Variants in FLG2 observed in about 807,000 individuals in gnomAD.
The protein encoded by FLG2 is filaggrin 2.
In FLG2, 7 loss-of-function variants were observed where a neutral mutation model predicts 3.9. The observed-to-expected ratio is 1.79, with a 90% CI of 1.02 to 3.36. The LOEUF is 3.36. Ranked by LOEUF, FLG2 falls within the 30% of genes most tolerant of loss-of-function variation. FLG2 has a pLI of 0.00. For synonymous variants in FLG2, 1,031 were observed against 1,056.1 expected (o/e 0.98, Z 0.46); for missense variants, 2,700 against 2,809.4 (o/e 0.96, Z 0.88).
Position 152,356,422 on chromosome 1 carries a change from T to A in FLG2, c.1364A>T (p.Gln455Leu). The A allele has an allele frequency of 6.2e-7, 1 of 1,614,196 alleles. No homozygotes were observed. Among genetic ancestry groups the A allele is most frequent in the East Asian group, 2.2e-5 (1 of 44,878 alleles). Residue 455 changes from glutamine (Q) to leucine (L), a missense_variant, in exon 3 of 3, where the codon CAG (glutamine) becomes CTG (leucine). Gln to Leu is a moderately radical substitution (Grantham distance 113). Transcript: ENST00000388718. ...HVCGSGQTCGQHESTSSQSLG... is the reference protein window; with the variant it reads ...HVCGSGQTCGLHESTSSQSLG... The stretch of plus-strand genomic sequence containing the variant: ...GGATTGACTTGATGTAGACTCATGC[T>A]GGCCACAAGTTTGACCTGAGCCACA...
In FLG2 at chr1:152,349,364, C is replaced by G. The variant is rs939739134; in HGVS notation, c.*1246G>C. The G allele has an allele frequency of 4.6e-5, 7 of 152,266 alleles. No individual in the cohort carries two copies. Among genetic ancestry groups the G allele is most frequent in the African/African-American group, 1.4e-4 (6 of 41,542 alleles). The allele number at this position is 152,266 out of a possible 1,614,324, so 9.4% of individuals were successfully genotyped here. A position where few individuals can be genotyped will look rare whatever the true frequency, so the allele number is the denominator to read the frequency against. On this transcript the variant is annotated 3_prime_UTR_variant, in exon 3 of 3. Transcript: ENST00000388718. ...ATTTCACTATGTTGGCCAGGCTGGT[C>G]TCGAACTCCTGACTTCGTGATCCAC...
Position 152,354,675 on chromosome 1 carries a change from G to T in FLG2, c.3111C>A (p.Gly1037=). Residue 1037 remains glycine (G), a synonymous_variant, in exon 3 of 3, where the codon GGC becomes GGA. Coordinates refer to ENST00000388718, the MANE Select transcript of FLG2 (RefSeq NM_001014342.3). ...QHRSSSGQYS[G]FGQHGSGSDQ... ...CTGAGCCTGATCCATGTTGTCCAAAGCCTGAGTATTGGCCTGAGCTTGACC... is the reference window on the plus strand; with the variant it reads ...CTGAGCCTGATCCATGTTGTCCAAATCCTGAGTATTGGCCTGAGCTTGACC... The T allele has an allele frequency of 6.2e-7, 1 of 1,613,880 alleles. No homozygotes were observed. Among genetic ancestry groups the T allele is most frequent in the Non-Finnish European group, 8.5e-7 (1 of 1,180,006 alleles).
In FLG2 at chr1:152,351,213, C is replaced by T. The variant is rs1259737942; in HGVS notation, c.6573G>A (p.Glu2191=). ...TGTGTCCTGAATGTGTGGGTGAGGC[C>T]TCTGAGTGCACTTCACTATCACTGG... ...SESSDSEVHS[E]ASPTHSGHTH... is the part of the protein sequence containing the mutation. The change falls in exon 3 of 3, where the codon GAG becomes GAA. Residue 2191 remains glutamate (E), a synonymous_variant. Coordinates refer to ENST00000388718, the MANE Select transcript of FLG2 (RefSeq NM_001014342.3). 6.2e-7 allele frequency: 1 copy of T among 1,613,486 alleles called. No homozygotes were observed. Among genetic ancestry groups the T allele is most frequent in the Non-Finnish European group, 8.5e-7 (1 of 1,179,914 alleles).
In FLG2 at chr1:152,357,270, C is replaced by T. The variant is rs1287932547; in HGVS notation, c.516G>A (p.Gly172=). 6.2e-7 allele frequency: 1 copy of T among 1,614,142 alleles called. No homozygotes were observed. Among genetic ancestry groups the T allele is most frequent in the Non-Finnish European group, 8.5e-7 (1 of 1,180,018 alleles). The change falls in exon 3 of 3, where the codon GGG becomes GGA. Residue 172 remains glycine (G), a synonymous_variant. Transcript: ENST00000388718. ...ATCTTTTCTGAGATCCCTCTTGGTT[C>T]CCAGAGCTGGATAAATTACCTTGTC... ...LGRQGNLSSS[G]NQEGSQKRYH...
At position 152,352,063 on chromosome 1, in the gene FLG2, T is replaced by G; in HGVS notation, c.5723A>C (p.His1908Pro). 6.2e-7 allele frequency: 1 copy of G among 1,613,792 alleles called. No homozygotes were observed. The highest frequency in any genetic ancestry group is 8.5e-7 in the Non-Finnish European group (1 of 1,179,924). ...GTGAACTGTGGATTCTGACTCTCCA[T>G]GTTGAGACCTGGCTTGGCTGTGTGT... ...GHTHSQARSQ[H>P]GESESTVHKR... The change falls in exon 3 of 3, where the codon CAT (histidine) becomes CCT (proline). Residue 1908 changes from histidine (H) to proline (P), a missense_variant. By Grantham distance (77) the His-to-Pro change is moderately conservative. Coordinates refer to ENST00000388718, the MANE Select transcript of FLG2 (RefSeq NM_001014342.3).
Position 152,351,593 on chromosome 1 carries a change from C to T in FLG2, c.6193G>A (p.Val2065Ile). 6.2e-7 allele frequency: 1 copy of T among 1,600,742 alleles called. No homozygotes were observed. ...GSQHGESGSS[V>I]HERHGTTHGQ... ...TGAGTAGTTCCGTGTCTCTCATGAA[C>T]TGAGGATCCTGACTCTCCATGTTGA... The change falls in exon 3 of 3, where the codon GTT becomes ATT. Residue 2065 changes from valine to isoleucine, a missense_variant. By Grantham distance (29) the Val-to-Ile change is conservative. Coordinates refer to ENST00000388718, the MANE Select transcript of FLG2 (RefSeq NM_001014342.3).
rs1654343213 is a variant in FLG2 at position 152,358,756 on chromosome 1, T to C, written c.129A>G (p.Pro43=). 1 of 1,613,332 alleles carries C rather than the reference T, an allele frequency of 6.2e-7. No individual in the cohort carries two copies. The highest frequency in any genetic ancestry group is 8.5e-7 in the Non-Finnish European group (1 of 1,179,664). ...LKELLEKELH[P]VLKNPDDPDT... ...GGCACATGGCTCTCACCTTCAGAACTGGATGAAGCTCTTTCTCCAGAAGTT... is the reference window on the plus strand; with the variant it reads ...GGCACATGGCTCTCACCTTCAGAACCGGATGAAGCTCTTTCTCCAGAAGTT... The change falls in exon 2 of 3, where the codon CCA becomes CCG. Residue 43 remains proline (P), a synonymous_variant. Transcript: ENST00000388718.
Position 152,356,032 on chromosome 1 carries a change from G to A in FLG2, c.1754C>T (p.Ser585Leu), listed in dbSNP as rs148657652. 190 of 1,613,454 alleles carry A rather than the reference G, an allele frequency of 1.2e-4. No individual in the cohort carries two copies. Among genetic ancestry groups the A allele is most frequent in the Non-Finnish European group, 1.4e-4 (167 of 1,179,912 alleles). ...AAAGCCAGAGGACTGACCTGAGCCC[G>A]ATCCATATTGGCCAAAGCCAGTGGA... is the stretch of plus-strand genomic sequence containing the variant. ...GQSTGFGQYG[S>L]GSGQSSGFGQ... is the part of the protein sequence containing the mutation. The change falls in exon 3 of 3, where the codon TCG (serine) becomes TTG (leucine). Residue 585 changes from serine (S) to leucine (L), a missense_variant. Ser to Leu is a moderately radical substitution (Grantham distance 145). Coordinates refer to ENST00000388718, the MANE Select transcript of FLG2 (RefSeq NM_001014342.3).
In FLG2 at chr1:152,352,032, T is replaced by G; in HGVS notation, c.5754A>C (p.Arg1918Ser). 3 of 1,613,676 alleles carry G rather than the reference T, an allele frequency of 1.9e-6. No homozygotes were observed. The highest frequency in any genetic ancestry group is 2.5e-6 in the Non-Finnish European group (3 of 1,179,910). Residue 1918 changes from arginine to serine, a missense_variant, in exon 3 of 3, where the codon AGA (arginine) becomes AGC (serine). Transcript: ENST00000388718. ...HGESESTVHK[R>S]HQTTHGQTGD... Reference sequence around the variant, plus strand: ...CTGTCTGTCCATGAGTAGTTTGGTGTCTCTTGTGAACTGTGGATTCTGACT... The same window carrying G: ...CTGTCTGTCCATGAGTAGTTTGGTGGCTCTTGTGAACTGTGGATTCTGACT...
Position 152,357,509 on chromosome 1 carries a change from A to G in FLG2, c.277T>C (p.Tyr93His). 6.2e-7 allele frequency: 1 copy of G among 1,614,098 alleles called. No individual in the cohort carries two copies. The highest frequency in any genetic ancestry group is 2.2e-5 in the East Asian group (1 of 44,876). Residue 93 changes from tyrosine (Y) to histidine (H), a missense_variant, in exon 3 of 3, where the codon TAC becomes CAC. Tyr to His is a moderately conservative substitution (Grantham distance 83, BLOSUM62 2). Coordinates refer to ENST00000388718, the MANE Select transcript of FLG2 (RefSeq NM_001014342.3). ...MACNKVLSKEYCKASGSKKHR... is the reference protein window; with the variant it reads ...MACNKVLSKEHCKASGSKKHR... The stretch of plus-strand genomic sequence containing the variant: ...TTCTTTGACCCTGAAGCTTTGCAGT[A>G]TTCTTTGCTGAGGACCTTGTTGCAG...
Position 152,354,523 on chromosome 1 carries a change from C to T in FLG2, c.3263G>A (p.Gly1088Asp). 4 of 1,613,972 alleles carry T rather than the reference C, an allele frequency of 2.5e-6. No homozygotes were observed. The highest frequency in any genetic ancestry group is 3.4e-6 in the Non-Finnish European group (4 of 1,179,998). ...TGAATTTGACCCATGTTGACCATAG[C>T]CAGATGATTGACTTGAGCCAGAACC... ...QHGSGSSQSS[G>D]YGQHGSNSGQ... The change falls in exon 3 of 3, where the codon GGC becomes GAC. Residue 1088 changes from glycine (G) to aspartate (D), a missense_variant. Transcript: ENST00000388718.
rs1653876297 is a variant in FLG2 at position 152,350,790 on chromosome 1, A to T, written c.6996T>A (p.Ser2332Arg). ...SSRASHFQSH[S>R]SERQRHGSSQ... ...TTGATCCATGCCTTTGCCTTTCACT[A>T]CTATGTGACTGAAAATGACTTGCTC... Residue 2332 changes from serine to arginine, a missense_variant, in exon 3 of 3, where the codon AGT becomes AGA. Transcript: ENST00000388718. The T allele has an allele frequency of 6.2e-7, 1 of 1,614,036 alleles. No individual in the cohort carries two copies. Among genetic ancestry groups the T allele is most frequent in the Admixed American group, 1.7e-5 (1 of 59,996 alleles).
Position 152,356,250 on chromosome 1 carries a change from T to C in FLG2, c.1536A>G (p.Ser512=). ...GCTGTCCAAAACCAGAGGATTGTCC[T>C]GAGACAGACCCATGCTGTCCAAAGC... ...SSGFGQHGSV[S]GQSSGFGQHG... Residue 512 remains serine, a synonymous_variant, in exon 3 of 3, where the codon TCA becomes TCG. Transcript: ENST00000388718. The C allele has an allele frequency of 6.2e-7, 1 of 1,614,052 alleles. No homozygotes were observed. The highest frequency in any genetic ancestry group is 1.1e-5 in the South Asian group (1 of 91,066).
In FLG2 at chr1:152,353,833, C is replaced by T. The variant is rs199680979; in HGVS notation, c.3953G>A (p.Arg1318Lys). The change falls in exon 3 of 3, where the codon AGA becomes AAA. Residue 1318 changes from arginine to lysine, a missense_variant. Coordinates refer to ENST00000388718, the MANE Select transcript of FLG2 (RefSeq NM_001014342.3). ...ATGGCCATGTCTAGTGGTATCTCCTCTCTGTCCATGAGTAGTTCCTTGTCT... is the reference window on the plus strand; with the variant it reads ...ATGGCCATGTCTAGTGGTATCTCCTTTCTGTCCATGAGTAGTTCCTTGTCT... ...RRRQGTTHGQ[R>K]GDTTRHGHSG... is the part of the protein sequence containing the mutation. 1.6e-5 allele frequency: 26 copies of T among 1,613,750 alleles called. No individual in the cohort carries two copies. In the South Asian group the frequency reaches 2.7e-4, roughly 17 times the overall value.
Position 152,354,972 on chromosome 1 carries a change from A to G in FLG2, c.2814T>C (p.His938=), listed in dbSNP as rs752487007. Reference sequence around the variant, plus strand: ...CAAAAGTCTGTCCTGAACTTGACCCATGTTGACCATAGCCAGATGACTGAC... The same window carrying G: ...CAAAAGTCTGTCCTGAACTTGACCCGTGTTGACCATAGCCAGATGACTGAC... ...GSSQSSGYGQ[H]GSSSGQTFGF... is the part of the protein sequence containing the mutation. Residue 938 remains histidine (H), a synonymous_variant, in exon 3 of 3, where the codon CAT becomes CAC. Coordinates refer to ENST00000388718, the MANE Select transcript of FLG2 (RefSeq NM_001014342.3). 2.5e-5 allele frequency: 39 copies of G among 1,590,026 alleles called. No individual in the cohort carries two copies. Among genetic ancestry groups the G allele is most frequent in the Non-Finnish European group, 3.1e-5 (36 of 1,170,584 alleles).
Position 152,354,841 on chromosome 1 carries a change from C to T in FLG2, c.2945G>A (p.Gly982Glu), listed in dbSNP as rs1426438273. The change falls in exon 3 of 3, where the codon GGA (glycine) becomes GAA (glutamate). Residue 982 changes from glycine to glutamate, a missense_variant. By Grantham distance (98) the Gly-to-Glu change is moderately conservative. Coordinates refer to ENST00000388718, the MANE Select transcript of FLG2 (RefSeq NM_001014342.3). ...ATGCTGTCCAAAGCCAGAGGATTTTCCTGAGCCTGACTCATGTTGTCCAAA... is the reference window on the plus strand; with the variant it reads ...ATGCTGTCCAAAGCCAGAGGATTTTTCTGAGCCTGACTCATGTTGTCCAAA... ...SGFGQHESGS[G>E]KSSGFGQHES... The T allele has an allele frequency of 6.2e-7, 1 of 1,613,398 alleles. No individual in the cohort carries two copies. Among genetic ancestry groups the T allele is most frequent in the Admixed American group, 1.7e-5 (1 of 59,944 alleles).
Position 152,354,019 on chromosome 1 carries a change from T to A in FLG2, c.3767A>T (p.Gln1256Leu), listed in dbSNP as rs776914520. The change falls in exon 3 of 3, where the codon CAA (glutamine) becomes CTA (leucine). Residue 1256 changes from glutamine to leucine, a missense_variant. Transcript: ENST00000388718. ...TTRHSQSGQG[Q>L]STQTGSRVTR... ...TACCCTGGACCCTGTCTGTGTGGAT[T>A]GTCCTTGACCAGACTGGCTATGTCT... The A allele has an allele frequency of 6.2e-7, 1 of 1,614,208 alleles. No homozygotes were observed.
chr1:152,351,824 A>G lies in FLG2; in HGVS notation c.5962T>C (p.Ser1988Pro), dbSNP rs535751082. The change falls in exon 3 of 3, where the codon TCC (serine) becomes CCC (proline). Residue 1988 changes from serine (S) to proline (P), a missense_variant. Coordinates refer to ENST00000388718, the MANE Select transcript of FLG2 (RefSeq NM_001014342.3). ...QAGSHYPESG[S>P]SVHERHGTTH... ...GTTCCGTGTCTCTCATGAACTGAGG[A>G]TCCTGACTCTGGATAGTGAGATCCA... 6.2e-7 allele frequency: 1 copy of G among 1,610,782 alleles called. No homozygotes were observed. The highest frequency in any genetic ancestry group is 1.1e-5 in the South Asian group (1 of 90,956).
Position 152,356,110 on chromosome 1 carries a change from T to C in FLG2, c.1676A>G (p.Tyr559Cys), listed in dbSNP as rs747918610. Reference protein sequence around the residue: ...GSSQSSGYGQYGSRETSGFGQ... With the variant: ...GSSQSSGYGQCGSRETSGFGQ... ...AAAGCCAGATGTCTCTCTAGACCCATATTGGCCATAGCCAGATGATTGACT... is the reference window on the plus strand; with the variant it reads ...AAAGCCAGATGTCTCTCTAGACCCACATTGGCCATAGCCAGATGATTGACT... Residue 559 changes from tyrosine to cysteine, a missense_variant, in exon 3 of 3, where the codon TAT becomes TGT. Coordinates refer to ENST00000388718, the MANE Select transcript of FLG2 (RefSeq NM_001014342.3). 4.6e-5 allele frequency: 74 copies of C among 1,611,056 alleles called. No homozygotes were observed. The highest frequency in any genetic ancestry group is 5.8e-5 in the Non-Finnish European group (68 of 1,179,502).
Sources: allele counts gnomAD v4.1 joint callset, GRCh38; gene constraint gnomAD v4.1.1; transcripts MANE v1.5; gene names NCBI Gene and HGNC (gene_info 2026-07-23, HGNC 2026-07-21).